Variants in ADAM22 observed in about 807,000 individuals in gnomAD.
The protein encoded by ADAM22 is disintegrin and metalloproteinase domain-containing protein 22.
ADAM22 carries 65 observed loss-of-function variants against 144.6 expected under a neutral mutation model. The ratio of observed to expected loss-of-function variants is 0.45; its 90% CI spans 0.37 to 0.55. ADAM22 has a LOEUF of 0.55. Among genes scored for constraint, ADAM22 ranks in the 20% least tolerant of loss-of-function variants. The probability of loss-of-function intolerance (pLI) is 0.00; values close to 1 mark genes in which losing one functional copy is unlikely to be tolerated. For missense variants in ADAM22, 974 were observed against 1,184.9 expected (o/e 0.82, Z 2.61); for synonymous variants, 391 against 412.6 (o/e 0.95, Z 0.63).
intron 3 of ADAM22, among the ~76,000 whole-genome samples, chr7:87,985,141 G>A (rs934027063): frequency 3.3e-5 from 5 of 151,482 alleles, no homozygotes; most frequent in Admixed American, 1.3e-4. Flanking sequence ...GTGAAACCCC[G>A]TCTCTACTAA....
At chr7:88,113,107 C>T (rs867806098) in intron 5 of ADAM22, among the ~76,000 whole-genome samples, 1 of 150,430 alleles carries the variant, frequency 6.6e-6, no homozygotes, top group African/African-American at 2.4e-5. Flanking sequence ...CTGCATCCCC[C>T]CTGCCTGCCC....
intron 3 of ADAM22, among the ~76,000 whole-genome samples, chr7:87,991,974 A>T (rs982841709): frequency 6.6e-6 from 1 of 152,202 alleles, no homozygotes; most frequent in African/African-American, 2.4e-5. Context: ...AAGACATTTG[A>T]TCAGAGATAA....
At chr7:87,975,823 T>G (rs912274300) in intron 2 of ADAM22, among the ~76,000 whole-genome samples, 6 of 152,104 alleles carry the variant, frequency 3.9e-5, no homozygotes, top group Admixed American at 3.3e-4. Flanking sequence ...GGTAAGAGCT[T>G]TAATAGTCCT....
intron 3 of ADAM22, among the ~76,000 whole-genome samples, chr7:88,064,723 T>C (rs558703336): frequency 1.3e-5 from 2 of 152,140 alleles, no homozygotes; most frequent in Non-Finnish European, 2.9e-5. Flanking sequence ...CACTAATCTG[T>C]TCTATGAGGG....
intron 3 of ADAM22, among the ~76,000 whole-genome samples, chr7:88,013,730 C>G (rs1443002771): frequency 6.6e-6 from 1 of 152,152 alleles, no homozygotes; most frequent in Non-Finnish European, 1.5e-5. Context: ...CTGGCCATTT[C>G]TTGAACCTTC....
At chr7:87,985,657 T>C (rs1279231255) in intron 3 of ADAM22, among the ~76,000 whole-genome samples, 1 of 152,224 alleles carries the variant, frequency 6.6e-6, no homozygotes, top group African/African-American at 2.4e-5. Context: ...CTTTTATTAC[T>C]AAATATTATT....
chr7:88,096,412 A>T (rs1013745296), intron 4 of ADAM22, among the ~76,000 whole-genome samples: 20 of 151,604 alleles, frequency 1.3e-4, no homozygotes, highest in Admixed American at 3.9e-4. Context: ...TTCTATATGC[A>T]TCTAAGAATT....
intron 3 of ADAM22, among the ~76,000 whole-genome samples, chr7:88,033,389 A>G (rs569492928): frequency 2.6e-4 from 39 of 152,328 alleles, no homozygotes; most frequent in Admixed American, 1.1e-3. Context: ...CTTTCTGGCA[A>G]TCAAACAGAG....
At chr7:88,103,031 C>T (rs1377435510) in intron 4 of ADAM22, among the ~76,000 whole-genome samples, 1 of 152,080 alleles carries the variant, frequency 6.6e-6, no homozygotes, top group Non-Finnish European at 1.5e-5. Context: ...AAGACAGAAA[C>T]AGGCATTCAG....
At position 88,151,041 on chromosome 7, in the gene ADAM22, T is replaced by A; in HGVS notation, c.1617+10T>A. 6.2e-7 allele frequency: 1 copy of A among 1,612,632 alleles called. No homozygotes were observed. The highest frequency in any genetic ancestry group is 8.5e-7 in the Non-Finnish European group (1 of 1,178,906). ...ATGTGATGGTGTTCAGGTAGGTCAC[T>A]TCATTTTTACCTATGTTTTTCACAT... On this transcript the variant is annotated intron_variant, in intron 19 of 31. Transcript: ENST00000413139.
intron 3 of ADAM22, among the ~76,000 whole-genome samples, chr7:88,016,900 T>C (rs1796663485): frequency 6.6e-6 from 1 of 152,200 alleles, no homozygotes; most frequent in Non-Finnish European, 1.5e-5. Context: ...GGAGTATTGT[T>C]TGAAGCCAGG....
chr7:87,956,762 G>A lies in ADAM22; in HGVS notation c.247-21574G>A, dbSNP rs1028667363. On this transcript the variant is annotated intron_variant, in intron 2 of 31. Coordinates refer to ENST00000413139, the MANE Select transcript of ADAM22 (RefSeq NM_001324418.2). ...AATGTTTTCCAGTTTCATTCATGTT[G>A]TAGCATGTATCAGTATTTCATTCGT... 4.9e-4 allele frequency among the ~76,000 whole-genome samples: 75 copies of A among 152,144 alleles called. 1 individual carries two copies. The highest frequency in any genetic ancestry group is 1.6e-3 in the African/African-American group (67 of 41,502).
At chr7:88,014,475 G>T (rs1194441130) in intron 3 of ADAM22, among the ~76,000 whole-genome samples, 1 of 152,114 alleles carries the variant, frequency 6.6e-6, no homozygotes, top group Non-Finnish European at 1.5e-5. Flanking sequence ...GGGTGAAGTG[G>T]CTCATACCTG....
At chr7:88,070,451 G>C (rs1812430750) in intron 3 of ADAM22, among the ~76,000 whole-genome samples, 1 of 152,122 alleles carries the variant, frequency 6.6e-6, no homozygotes, top group Admixed American at 6.5e-5. Context: ...ACTTACTCTT[G>C]ACCTTGAGAT....
chr7:88,087,825 A>G (rs1012090441), intron 4 of ADAM22, among the ~76,000 whole-genome samples: 4 of 152,220 alleles, frequency 2.6e-5, no homozygotes, highest in Admixed American at 2.0e-4. Context: ...CTAATCCTTA[A>G]CGATGAGTTT....
chr7:88,090,002 A>C (rs888145418), intron 4 of ADAM22: 2 of 152,182 alleles, frequency 1.3e-5, no homozygotes, highest in Non-Finnish European at 2.9e-5. Flanking sequence ...TAGTTCACAT[A>C]GCATAAACTG....
In ADAM22 at chr7:88,178,978, G is replaced by C. The variant is rs1168441382; in HGVS notation, c.2344G>C (p.Asp782His). The C allele has an allele frequency of 6.2e-7, 1 of 1,612,876 alleles. No homozygotes were observed. Among genetic ancestry groups the C allele is most frequent in the East Asian group, 2.2e-5 (1 of 44,842 alleles). ...GDYVKKPGDGDSFYSDIPPGV... is the reference protein window; with the variant it reads ...GDYVKKPGDGHSFYSDIPPGV... ...TTATGTAAAAAAGCCTGGAGATGGT[G>C]ACTCTTTTTATAGCGACATTCCTCC... The change falls in exon 27 of 32, where the codon GAC becomes CAC. Residue 782 changes from aspartate to histidine, a missense_variant. This residue lies in a region of ADAM22 where 734 missense variants were observed against 950.6 expected (regional missense o/e 0.77). Transcript: ENST00000413139.
chr7:88,199,061 T>C lies in ADAM22; in HGVS notation c.*2570T>C, dbSNP rs1406059393. On this transcript the variant is annotated 3_prime_UTR_variant, in exon 32 of 32. Transcript: ENST00000413139. The stretch of plus-strand genomic sequence containing the variant: ...GAGAGTTTCAAGAAGTATCTATATG[T>C]ATACTCATGGTTGGGGTTCTAGAGG... 6.6e-6 allele frequency: 1 copy of C among 152,228 alleles called. No homozygotes were observed. Among genetic ancestry groups the C allele is most frequent in the Non-Finnish European group, 1.5e-5 (1 of 68,030 alleles). 9.4% of individuals were successfully genotyped at this position (152,228 alleles called of 1,614,324 possible).
At chr7:88,133,033 A>G in intron 12 of ADAM22, 82 bp downstream of exon 12, 5 of 1,237,170 alleles carry the variant, frequency 4.0e-6, no homozygotes, top group Non-Finnish European at 2.4e-6. Flanking sequence ...ATTTCTCAGT[A>G]TTCACATACT....
Sources: gnomAD v4.1 joint callset for allele counts (sites outside exome capture counted in the v4.1 genomes callset) on GRCh38, gnomAD v4.1.1 for gene constraint, gnomAD v4.1.1 regional missense constraint, MANE v1.5 for transcripts, NCBI Gene and HGNC (gene_info 2026-07-23, HGNC 2026-07-21) for gene names.